Variants in ZZEF1 observed in about 807,000 individuals in gnomAD.
ZZEF1 encodes the protein zinc finger ZZ-type and EF-hand domain-containing protein 1.
A neutral mutation model predicts 342.8 loss-of-function variants in ZZEF1; 157 were observed. The ratio of observed to expected loss-of-function variants is 0.46; its 90% CI spans 0.40 to 0.52. The LOEUF (loss-of-function observed/expected upper bound fraction) is 0.52. ZZEF1 is among the 20% of genes least tolerant of loss of function. The pLI is 0.00. For synonymous variants in ZZEF1, 1,505 were observed against 1,429.1 expected (o/e 1.05, Z -1.20); for missense variants, 3,480 against 3,725.6 (o/e 0.93, Z 1.72).
chr17:4,026,363 TAAAG>T (rs1459429817), intron 42 of ZZEF1, among the ~76,000 whole-genome samples: 1 of 151,770 alleles, frequency 6.6e-6, no homozygotes, highest in Non-Finnish European at 1.5e-5. Flanking sequence ...AGAAGAAACA[TAAAG>T]AAAATCATGT....
rs115552869 is a variant in ZZEF1 at position 4,128,423 on chromosome 17, G to T, written c.355-4372C>A. On this transcript the variant is annotated intron_variant, in intron 1 of 54. Transcript: ENST00000381638. ...AGGGAAAATAGAACTTCAAAAGGAT[G>T]ATTAATATCTTCAGAGAAATATTTT... Among the ~76,000 whole-genome samples the T allele has an allele frequency of 4.9e-3, 710 of 146,310 alleles. 8 individuals carry two copies. The highest frequency in any genetic ancestry group is 0.017 in the African/African-American group (677 of 40,174).
chr17:4,044,882 G>A (rs565499804), intron 37 of ZZEF1, among the ~76,000 whole-genome samples: 1 of 152,300 alleles, frequency 6.6e-6, no homozygotes, highest in East Asian at 1.9e-4. Context: ...GGCTGGGTGT[G>A]ATGGCTCATG....
chr17:4,124,139 CG>C, intron 1 of ZZEF1, 88 bp from the exon 2 acceptor site: 1 of 1,433,386 alleles, frequency 7.0e-7, no homozygotes, highest in Non-Finnish European at 9.2e-7. Flanking sequence ...TTCTCGAGAC[CG>C]GTGATTTATT....
Position 4,014,606 on chromosome 17 carries a change from G to T in ZZEF1, c.8146-91C>A. The T allele has an allele frequency of 7.2e-7, 1 of 1,392,004 alleles. No homozygotes were observed. Among genetic ancestry groups the T allele is most frequent in the Non-Finnish European group, 1.0e-6 (1 of 995,564 alleles). 86.2% of individuals were successfully genotyped at this position (1,392,004 alleles called of 1,614,324 possible). A position where few individuals can be genotyped will look rare whatever the true frequency, so the allele number is the denominator to read the frequency against. ...CATGCCGAGTCCTGTGGCTGGACCC[G>T]GGTGTGTGAGAATGAGTGAACCACA... On this transcript the variant is annotated intron_variant, in intron 49 of 54. Coordinates refer to ENST00000381638, the MANE Select transcript of ZZEF1 (RefSeq NM_015113.4). The surrounding 1 kb of genome is among the most constrained non-coding windows in gnomAD (Gnocchi z 4.4).
intron 6 of ZZEF1, among the ~76,000 whole-genome samples, chr17:4,109,350 C>T (rs2058259377): frequency 6.6e-6 from 1 of 152,168 alleles, no homozygotes; most frequent in African/African-American, 2.4e-5. Context: ...ACAGGCACAG[C>T]ATAAGTGACC....
intron 1 of ZZEF1, among the ~76,000 whole-genome samples, chr17:4,135,562 A>G (rs1185364025): frequency 6.6e-6 from 1 of 152,120 alleles, no homozygotes; most frequent in East Asian, 1.9e-4. Flanking sequence ...CACATCAGTG[A>G]TGCTTCCCAG....
chr17:4,125,637 T>C (rs1399072299), intron 1 of ZZEF1, among the ~76,000 whole-genome samples: 1 of 152,218 alleles, frequency 6.6e-6, no homozygotes, highest in Non-Finnish European at 1.5e-5. Context: ...GCAGGTATTA[T>C]CTTTTTCTAC....
chr17:4,076,632 G>A lies in ZZEF1; in HGVS notation c.3234+5C>T. On this transcript the variant is annotated splice_donor_5th_base_variant and intron_variant, in intron 21 of 54. Transcript: ENST00000381638. The stretch of plus-strand genomic sequence containing the variant: ...CGGGGCGGCTCAAGTGCTGACTCGA[G>A]TTACCTTCCTCAGTCCTCCTTCGGG... 1 of 1,605,534 alleles carries A rather than the reference G, an allele frequency of 6.2e-7. No individual in the cohort carries two copies. Among genetic ancestry groups the A allele is most frequent in the Non-Finnish European group, 8.5e-7 (1 of 1,174,988 alleles).
chr17:4,083,199 G>C (rs2057756026), intron 16 of ZZEF1, among the ~76,000 whole-genome samples: 1 of 152,200 alleles, frequency 6.6e-6, no homozygotes, highest in Non-Finnish European at 1.5e-5. Flanking sequence ...CTATACAGAA[G>C]GTTGGCAGTG....
chr17:4,048,244 T>TGAGA, intron 37 of ZZEF1, among the ~76,000 whole-genome samples: 1 of 152,350 alleles, frequency 6.6e-6, no homozygotes, highest in Non-Finnish European at 1.5e-5. Context: ...TGTGGACGGT[T>TGAGA]GAGAGACAGG....
At chr17:4,074,758 G>A (rs1164761967) in intron 23 of ZZEF1, among the ~76,000 whole-genome samples, 3 of 152,196 alleles carry the variant, frequency 2.0e-5, no homozygotes, top group African/African-American at 7.2e-5. Flanking sequence ...CCATCACATG[G>A]TCTGGGCCAT....
intron 13 of ZZEF1, among the ~76,000 whole-genome samples, chr17:4,088,057 A>C (rs920851607): frequency 2.0e-5 from 3 of 152,158 alleles, no homozygotes; most frequent in Non-Finnish European, 4.4e-5. Flanking sequence ...ATATGAACTG[A>C]GTCACCAGCC....
Position 4,142,975 on chromosome 17 carries a change from C to G in ZZEF1, c.-80G>C, listed in dbSNP as rs1041439677. ...TCGACCTGTCAACCTCCGACAGCAGCTGGCGGGCGGGGACGCGGAGGAGAC... is the reference window on the plus strand; with the variant it reads ...TCGACCTGTCAACCTCCGACAGCAGGTGGCGGGCGGGGACGCGGAGGAGAC... On this transcript the variant is annotated 5_prime_UTR_variant, in exon 1 of 55. Transcript: ENST00000381638. 18 of 1,270,116 alleles carry G rather than the reference C, an allele frequency of 1.4e-5. No homozygotes were observed. The highest frequency in any genetic ancestry group is 1.8e-5 in the Non-Finnish European group (18 of 1,012,350). The allele number at this position is 1,270,116 out of a possible 1,614,324, so 78.7% of individuals were successfully genotyped here. A position where few individuals can be genotyped will look rare whatever the true frequency, so the allele number is the denominator to read the frequency against.
chr17:4,072,826 A>T (rs1268493668), intron 24 of ZZEF1, 70 bp from the exon 25 acceptor site: 1 of 1,459,112 alleles, frequency 6.9e-7, no homozygotes. Flanking sequence ...TGAAATGAGA[A>T]AGAAAAGGTT....
At position 4,142,648 on chromosome 17, in the gene ZZEF1, C is replaced by A. The variant is rs1439068049; in HGVS notation, c.248G>T (p.Trp83Leu). 8 of 1,607,370 alleles carry A rather than the reference C, an allele frequency of 5.0e-6. No individual in the cohort carries two copies. Among genetic ancestry groups the A allele is most frequent in the Non-Finnish European group, 6.8e-6 (8 of 1,179,774 alleles). ...VSRHRGALFR[W>L]LEERLGRGEE... is the part of the protein sequence containing the mutation. ...GCCGCGGCCCAGCCGCTCTTCCAGC[C>A]AGCGAAACAACGCGCCGCGATGCCT... is the stretch of plus-strand genomic sequence containing the variant. Residue 83 changes from tryptophan to leucine, a missense_variant, in exon 1 of 55, where the codon TGG becomes TTG. Around this residue, in one of 5 missense-constraint regions of ZZEF1, gnomAD observed 416 missense variants for 374.2 expected, o/e 1.11. Transcript: ENST00000381638.
rs1237431377 is a variant in ZZEF1 at position 4,109,642 on chromosome 17, G to A, written c.1277+11C>T. On this transcript the variant is annotated intron_variant, in intron 6 of 54. Coordinates refer to ENST00000381638, the MANE Select transcript of ZZEF1 (RefSeq NM_015113.4). ...TGTTGAGGGGGCTGGAACATAGAGA[G>A]AATGACTTACTGAGTATTGTGCAGC... 4 of 1,613,712 alleles carry A rather than the reference G, an allele frequency of 2.5e-6. No homozygotes were observed. In the African/African-American group the frequency reaches 5.3e-5, roughly 22 times the overall value.
At position 4,082,508 on chromosome 17, in the gene ZZEF1, C is replaced by T; in HGVS notation, c.2647-4G>A. 1.2e-6 allele frequency: 2 copies of T among 1,613,642 alleles called. No individual in the cohort carries two copies. The highest frequency in any genetic ancestry group is 1.7e-6 in the Non-Finnish European group (2 of 1,179,834). ...TGTGCTCCTGCTCGGTGACATTCTT[C>T]TAGAAAACCAGAAATTGTATATTCA... On this transcript the variant is annotated splice_region_variant and splice_polypyrimidine_tract_variant and intron_variant, in intron 16 of 54. Transcript: ENST00000381638.
chr17:4,127,008 AT>A (rs113010631), intron 1 of ZZEF1, among the ~76,000 whole-genome samples: 1,478 of 142,274 alleles, frequency 0.01, 7 homozygotes, highest in African/African-American at 0.023. Context: ...AACTGACTGG[AT>A]TTTTTTTTTT....
chr17:4,068,799 G>C (rs75446125), intron 26 of ZZEF1, among the ~76,000 whole-genome samples: 9,711 of 152,114 alleles, frequency 0.064, 429 homozygotes, highest in South Asian at 0.12. Flanking sequence ...CCCTCAAGCA[G>C]CTTATATTCA....
Sources: gnomAD v4.1 joint callset for allele counts (sites outside exome capture counted in the v4.1 genomes callset) on GRCh38, gnomAD v4.1.1 for gene constraint, gnomAD v4.1.1 regional missense constraint, Gnocchi (gnomAD v3.1) non-coding constraint, MANE v1.5 for transcripts, NCBI Gene and HGNC (gene_info 2026-07-23, HGNC 2026-07-21) for gene names.